PRKCB: variants seen among roughly 807,000 people sequenced by gnomAD.
The protein encoded by PRKCB is protein kinase C beta.
Under a neutral mutation model 81.5 loss-of-function variants are expected in PRKCB, and 13 were observed. The observed-to-expected ratio is 0.16, with a 90% confidence interval of 0.10 to 0.25. The LOEUF (loss-of-function observed/expected upper bound fraction) is 0.25, where lower values mean the gene tolerates loss of function less well. Ranked by LOEUF, PRKCB falls within the 10% of genes least tolerant of loss-of-function variation. PRKCB has a pLI of 1.00. For synonymous variants in PRKCB, 335 were observed against 321.4 expected (o/e 1.04, Z -0.45); for missense variants, 509 against 875.7 (o/e 0.58, Z 5.29).
intron 2 of PRKCB, among the ~76,000 whole-genome samples, chr16:23,917,674 T>C (rs1963762394): frequency 6.6e-6 from 1 of 152,246 alleles, no homozygotes; most frequent in South Asian, 2.1e-4. Context: ...GTGACTTCTC[T>C]GCAGTTCTCC....
rs1966451899 is a variant in PRKCB at position 24,096,865 on chromosome 16, A to G, written c.821+2568A>G. On this transcript the variant is annotated intron_variant, in intron 7 of 16. Transcript: ENST00000643927. ...TTACTTCTTTAAGATAAATTGTCTC[A>G]TATCTGAATTGTCTCATTCAGGACC... is the stretch of plus-strand genomic sequence containing the variant. 1.3e-5 allele frequency among the ~76,000 whole-genome samples: 2 copies of G among 151,446 alleles called. 1 individual carries two copies. The highest frequency in any genetic ancestry group is 2.9e-5 in the Non-Finnish European group (2 of 67,870).
chr16:23,867,035 TC>T (rs1567295134), intron 2 of PRKCB, among the ~76,000 whole-genome samples: 2,055 of 96,892 alleles, frequency 0.021, 24 homozygotes, highest in Middle Eastern at 0.051. Flanking sequence ...CTTCCTTCCT[TC>T]CTTCCTTCCT....
chr16:23,934,639 C>T (rs1276789230), intron 2 of PRKCB, among the ~76,000 whole-genome samples: 1 of 152,124 alleles, frequency 6.6e-6, no homozygotes, highest in East Asian at 1.9e-4. Context: ...TATATCTAGA[C>T]CATTGTCTGT....
intron 2 of PRKCB, among the ~76,000 whole-genome samples, chr16:23,940,055 C>T (rs2141767403): frequency 6.6e-6 from 1 of 152,260 alleles, no homozygotes; most frequent in Middle Eastern, 3.4e-3. Flanking sequence ...ACAGACATTT[C>T]ACCAAAGAGG....
intron 7 of PRKCB, among the ~76,000 whole-genome samples, chr16:24,101,097 T>C (rs373314114): frequency 1.4e-4 from 22 of 152,314 alleles, no homozygotes; most frequent in Admixed American, 2.6e-4. Context: ...ATAGGAGCAA[T>C]TGGGGAGATC....
chr16:24,073,959 G>A lies in PRKCB; in HGVS notation c.530-18832G>A, dbSNP rs1168810535. On this transcript the variant is annotated intron_variant, in intron 5 of 16. Transcript: ENST00000643927. ...AGATCGAGACCATCCTGGCTAACAT[G>A]GTGAAACCCCGATACAAAAATATTA... Among the ~76,000 whole-genome samples the A allele has an allele frequency of 2.0e-5, 3 of 151,928 alleles. No homozygotes were observed. The East Asian group carries it at 5.8e-4, about 30-fold the overall frequency.
chr16:24,123,524 G>A (rs1966826073), intron 8 of PRKCB, among the ~76,000 whole-genome samples: 1 of 152,168 alleles, frequency 6.6e-6, no homozygotes, highest in Admixed American at 6.5e-5. Context: ...AAATCACTGT[G>A]CCTTGTGCAG....
At chr16:24,096,661 AAAAAAATATATATATATAT>A (rs1567372780) in intron 7 of PRKCB, among the ~76,000 whole-genome samples, 1 of 49,212 alleles carries the variant, frequency 2.0e-5, no homozygotes, top group African/African-American at 7.3e-5. Context: ...GCAAAAAAAA[AAAAAAATATATATATATAT>A]ATATATATAT....
At chr16:24,006,683 A>G (rs1007161904) in intron 3 of PRKCB, among the ~76,000 whole-genome samples, 4 of 152,246 alleles carry the variant, frequency 2.6e-5, no homozygotes, top group Non-Finnish European at 4.4e-5. Context: ...TTCAGCCTAA[A>G]TTCAAATTCC....
At chr16:24,144,655 T>A (rs1966962146) in intron 9 of PRKCB, among the ~76,000 whole-genome samples, 1 of 152,230 alleles carries the variant, frequency 6.6e-6, no homozygotes, top group African/African-American at 2.4e-5. Context: ...AAGATTCACT[T>A]GTTTGTTTCA....
At chr16:23,862,597 A>T (rs540980513) in intron 2 of PRKCB, among the ~76,000 whole-genome samples, 88 of 152,034 alleles carry the variant, frequency 5.8e-4, no homozygotes, top group African/African-American at 1.2e-3. Flanking sequence ...TCAGGAAAAA[A>T]TTTTTTTTTC....
At chr16:24,008,967 T>A (rs879425740) in intron 3 of PRKCB, among the ~76,000 whole-genome samples, 6 of 152,216 alleles carry the variant, frequency 3.9e-5, no homozygotes, top group Admixed American at 6.5e-5. Flanking sequence ...TTCCTGTGAC[T>A]AGTGTTTTTC....
chr16:24,071,538 C>T (rs1195049159), intron 5 of PRKCB, among the ~76,000 whole-genome samples: 1 of 151,562 alleles, frequency 6.6e-6, no homozygotes, highest in East Asian at 1.9e-4. Flanking sequence ...AATGTGGATC[C>T]AGAATTGAGA....
At chr16:23,927,761 G>A (rs1341739110) in intron 2 of PRKCB, among the ~76,000 whole-genome samples, 1 of 152,026 alleles carries the variant, frequency 6.6e-6, no homozygotes, top group African/African-American at 2.4e-5. Flanking sequence ...CTGGTTTCTG[G>A]CTTGGGTACT....
At chr16:23,890,464 G>A (rs2141116283) in intron 2 of PRKCB, among the ~76,000 whole-genome samples, 1 of 152,226 alleles carries the variant, frequency 6.6e-6, no homozygotes, top group Admixed American at 6.5e-5. Context: ...ATGAAACAAG[G>A]AGAGACGCTC....
chr16:24,127,954 A>G (rs1436560642), intron 9 of PRKCB, among the ~76,000 whole-genome samples: 1 of 152,210 alleles, frequency 6.6e-6, no homozygotes, highest in African/African-American at 2.4e-5. Flanking sequence ...CAATCTCCAT[A>G]AACAGAAGAA....
At chr16:24,109,405 G>C (rs1966640539) in intron 7 of PRKCB, among the ~76,000 whole-genome samples, 1 of 127,822 alleles carries the variant, frequency 7.8e-6, no homozygotes, top group Non-Finnish European at 1.6e-5. Context: ...CGGCCGGGCA[G>C]AGATGCTCCT....
intron 2 of PRKCB, among the ~76,000 whole-genome samples, chr16:23,923,609 A>G (rs1963856596): frequency 6.6e-6 from 1 of 152,052 alleles, no homozygotes; most frequent in Admixed American, 6.6e-5. Flanking sequence ...TACTCACTGA[A>G]CCATCTAATG....
chr16:24,024,926 G>C (rs948357099), intron 3 of PRKCB, among the ~76,000 whole-genome samples: 1 of 152,030 alleles, frequency 6.6e-6, no homozygotes, highest in South Asian at 2.1e-4. Flanking sequence ...CTTTCAGGTA[G>C]CAGGAAGGAG....
Sources: allele counts gnomAD v4.1 joint callset (sites outside exome capture counted in the v4.1 genomes callset), GRCh38; gene constraint gnomAD v4.1.1; transcripts MANE v1.5; gene names NCBI Gene and HGNC (gene_info 2026-07-23, HGNC 2026-07-21).